ITPR1: variants seen among roughly 807,000 people sequenced by gnomAD.
The protein encoded by ITPR1 is inositol 1,4,5-trisphosphate-gated calcium channel ITPR1.
Under a neutral mutation model 318.4 loss-of-function variants are expected in ITPR1, and 96 were observed. The observed-to-expected ratio is 0.30, with a 90% CI of 0.26 to 0.36. The LOEUF is 0.36. ITPR1 is among the 10% of genes least tolerant of loss of function. The pLI, the probability that ITPR1 is intolerant of heterozygous loss-of-function variation, is 1.00. For synonymous variants in ITPR1, 1,312 were observed against 1,289.9 expected (o/e 1.02, Z -0.37); for missense variants, 2,440 against 3,460.2 (o/e 0.71, Z 7.40).
intron 4 of ITPR1, among the ~76,000 whole-genome samples, chr3:4,537,979 G>A (rs761890732): frequency 8.6e-5 from 13 of 151,848 alleles, no homozygotes; most frequent in African/African-American, 3.1e-4. Context: ...ACAAATTTTG[G>A]CTTTATTAAT....
chr3:4,667,317 A>G, intron 17 of ITPR1, 60 bp from the exon 18 acceptor site: 1 of 1,327,522 alleles, frequency 7.5e-7, no homozygotes, highest in Non-Finnish European at 1.0e-6. Flanking sequence ...TCTTTAGTCT[A>G]CGCTTAACCA....
rs568595748 is a variant in ITPR1 at position 4,779,852 on chromosome 3, C to A, written c.6387+207C>A. Among the ~76,000 whole-genome samples the A allele has an allele frequency of 2.2e-4, 32 of 147,012 alleles. 1 individual carries two copies. The highest frequency in any genetic ancestry group is 2.0e-3 in the Admixed American group (29 of 14,776). ...TAATCGCGGTTTTTGCTATTACTTT[C>A]AATGGCAAAACCACTATTACTTTTG... is the stretch of plus-strand genomic sequence containing the variant. On this transcript the variant is annotated intron_variant, in intron 49 of 61. Transcript: ENST00000649015. This position sits in a 1 kb window ranked among gnomAD's most constrained non-coding sequence, Gnocchi z 4.0.
intron 44 of ITPR1, among the ~76,000 whole-genome samples, chr3:4,764,946 CTGGATGGATGGATGGATGGA>C (rs61395050): frequency 2.7e-5 from 4 of 147,574 alleles, no homozygotes; most frequent in Admixed American, 2.0e-4. Flanking sequence ...TAGTGGGTGG[CTGGATGGATGGATGGATGGA>C]TGGATGGATG....
intron 6 of ITPR1, among the ~76,000 whole-genome samples, chr3:4,641,884 T>G (rs2093347086): frequency 6.6e-6 from 1 of 152,204 alleles, no homozygotes; most frequent in Non-Finnish European, 1.5e-5. Flanking sequence ...CATGATAGTT[T>G]TTCTTGTATT....
At chr3:4,804,402 A>G (rs1404798291) in intron 54 of ITPR1, among the ~76,000 whole-genome samples, 1 of 152,238 alleles carries the variant, frequency 6.6e-6, no homozygotes, top group Non-Finnish European at 1.5e-5. Flanking sequence ...CTGGGTGCGC[A>G]GAATCCTTGG....
At chr3:4,730,370 AATGTGTGTGTGTGTGTGT>A (rs2042831389) in intron 42 of ITPR1, among the ~76,000 whole-genome samples, 1 of 91,558 alleles carries the variant, frequency 1.1e-5, no homozygotes, top group African/African-American at 4.1e-5. Context: ...TGTTGGGTGG[AATGTGTGTGTGTGTGTGT>A]GTGTGTGTGT....
At position 4,840,890 on chromosome 3, in the gene ITPR1, G is replaced by C. The variant is rs189130788; in HGVS notation, c.8190+3955G>C. Among the ~76,000 whole-genome samples, 286 of 152,312 alleles carry C rather than the reference G, an allele frequency of 1.9e-3. 1 individual carries two copies. Among genetic ancestry groups the C allele is most frequent in the South Asian group, 0.018 (89 of 4,824 alleles). ...GAAGGGCTAACTTTCTTGAAAATAT[G>C]ACTGGCTTCCTATAGGACAGCGACC... On this transcript the variant is annotated intron_variant, in intron 61 of 61. Transcript: ENST00000649015.
intron 44 of ITPR1, among the ~76,000 whole-genome samples, chr3:4,743,444 A>G (rs2043849117): frequency 1.3e-5 from 2 of 152,242 alleles, no homozygotes; most frequent in South Asian, 2.1e-4. Flanking sequence ...GACGGCAGAC[A>G]GTAGGTAATG....
chr3:4,704,786 A>C (rs1405446481), intron 36 of ITPR1, among the ~76,000 whole-genome samples: 1 of 151,874 alleles, frequency 6.6e-6, no homozygotes, highest in Non-Finnish European at 1.5e-5. Context: ...AGCACTACCC[A>C]GAGTCCCCTC....
chr3:4,715,447 G>T (rs1466909898), intron 39 of ITPR1, among the ~76,000 whole-genome samples: 1 of 152,222 alleles, frequency 6.6e-6, no homozygotes, highest in Non-Finnish European at 1.5e-5. Context: ...TTGTCCCAAG[G>T]TCATCCAAAA....
chr3:4,665,086 A>G (rs1391778366), intron 16 of ITPR1, 52 bp from the exon 17 acceptor site: 4 of 1,593,192 alleles, frequency 2.5e-6, no homozygotes, highest in Non-Finnish European at 3.4e-6. Context: ...ACAGAGGGTT[A>G]GCTTTGAAGC....
At chr3:4,501,841 G>T (rs537857026) in intron 2 of ITPR1, among the ~76,000 whole-genome samples, 3 of 152,310 alleles carry the variant, frequency 2.0e-5, no homozygotes, top group East Asian at 3.9e-4. Context: ...AGTCACTGCT[G>T]TTCACCTGCT....
chr3:4,501,743 T>A (rs187432871), intron 2 of ITPR1, among the ~76,000 whole-genome samples: 1 of 152,366 alleles, frequency 6.6e-6, no homozygotes, highest in East Asian at 1.9e-4. Context: ...GGAACTTTGA[T>A]GCTTACATTT....
At chr3:4,588,982 T>C (rs531526035) in intron 4 of ITPR1, among the ~76,000 whole-genome samples, 52 of 152,210 alleles carry the variant, frequency 3.4e-4, no homozygotes, top group Non-Finnish European at 1.0e-4. Context: ...GTCATTGTGC[T>C]ACCCAGACCA....
intron 46 of ITPR1, among the ~76,000 whole-genome samples, chr3:4,772,219 G>A (rs1289442615): frequency 6.6e-6 from 1 of 152,238 alleles, no homozygotes; most frequent in Admixed American, 6.5e-5. Flanking sequence ...GATTCCTCTT[G>A]GATCGGAGGG....
intron 4 of ITPR1, among the ~76,000 whole-genome samples, chr3:4,601,172 A>ATTTTTTTTTT (rs544816015): frequency 2.7e-5 from 1 of 37,136 alleles, no homozygotes. Flanking sequence ...GGGGAAAAAT[A>ATTTTTTTTTT]TTCTTTTTTT....
intron 13 of ITPR1, among the ~76,000 whole-genome samples, chr3:4,658,932 T>C (rs58589719): frequency 0.033 from 4,963 of 152,218 alleles, 279 homozygotes; most frequent in African/African-American, 0.11. Flanking sequence ...ACTTGTGTTA[T>C]ATAATTTCAT....
chr3:4,787,041 T>C (rs1471865471), intron 51 of ITPR1, among the ~76,000 whole-genome samples: 1 of 152,112 alleles, frequency 6.6e-6, no homozygotes, highest in Non-Finnish European at 1.5e-5. Context: ...TACAATTAAA[T>C]AAAATTAAAT....
rs181776202 is a variant in ITPR1 at position 4,658,723 on chromosome 3, A to T, written c.1151+445A>T. The stretch of plus-strand genomic sequence containing the variant: ...GTAAATTTTATTAACAAGTATTGAG[A>T]CATTCAACCAGAAATCTTTAGTTAT... On this transcript the variant is annotated intron_variant, in intron 13 of 61. Coordinates refer to ENST00000649015, the MANE Select transcript of ITPR1 (RefSeq NM_001378452.1). Among the ~76,000 whole-genome samples the T allele has an allele frequency of 1.1e-3, 163 of 152,234 alleles. 2 individuals carry two copies. The highest frequency in any genetic ancestry group is 2.9e-3 in the South Asian group (14 of 4,804).
Sources: allele counts gnomAD v4.1 joint callset (sites outside exome capture counted in the v4.1 genomes callset), GRCh38; gene constraint gnomAD v4.1.1; non-coding constraint Gnocchi (gnomAD v3.1); transcripts MANE v1.5; gene names NCBI Gene and HGNC (gene_info 2026-07-23, HGNC 2026-07-21).